Variants in GPC5 observed in about 807,000 individuals in gnomAD.
GPC5 encodes the protein glypican 5.
GPC5 carries 47 observed loss-of-function variants against 53.9 expected under a neutral mutation model. That is an observed-to-expected ratio of 0.87 (90% confidence interval 0.69 to 1.11). The LOEUF (loss-of-function observed/expected upper bound fraction) is 1.11, where lower values mean the gene tolerates loss of function less well. GPC5 is among the 50% of genes most tolerant of loss of function. The pLI, the probability that GPC5 is intolerant of heterozygous loss-of-function variation, is 0.00. For synonymous variants in GPC5, 286 were observed against 263.3 expected (o/e 1.09, Z -0.84); for missense variants, 748 against 713.1 (o/e 1.05, Z -0.56).
At chr13:91,492,033 A>T (rs764131706) in intron 2 of GPC5, among the ~76,000 whole-genome samples, 1 of 152,286 alleles carries the variant, frequency 6.6e-6, no homozygotes, top group South Asian at 2.1e-4. Context: ...CTATTATTAC[A>T]TGGTGTTCAG....
intron 7 of GPC5, among the ~76,000 whole-genome samples, chr13:92,456,338 C>T (rs773357778): frequency 5.9e-5 from 9 of 152,190 alleles, no homozygotes; most frequent in Non-Finnish European, 1.2e-4. Context: ...ACAGGTGGCT[C>T]TAAATCACTA....
At chr13:92,519,579 A>G (rs992596699) in intron 7 of GPC5, among the ~76,000 whole-genome samples, 6 of 152,228 alleles carry the variant, frequency 3.9e-5, no homozygotes, top group African/African-American at 1.4e-4. Context: ...TTTGAAACCA[A>G]TGAGAACAAA....
At chr13:92,249,704 G>A (rs1378800952) in intron 7 of GPC5, among the ~76,000 whole-genome samples, 1 of 152,030 alleles carries the variant, frequency 6.6e-6, no homozygotes, top group Non-Finnish European at 1.5e-5. Context: ...ATGTAGACAT[G>A]AGGGTGAGTA....
intron 7 of GPC5, among the ~76,000 whole-genome samples, chr13:92,708,623 G>C (rs1888027850): frequency 6.6e-6 from 1 of 152,034 alleles, no homozygotes; most frequent in African/African-American, 2.4e-5. Flanking sequence ...AGAAAAGTCA[G>C]AGAGTGAAAG....
intron 2 of GPC5, among the ~76,000 whole-genome samples, chr13:91,497,495 A>G (rs894632564): frequency 3.3e-5 from 5 of 152,212 alleles, no homozygotes; most frequent in African/African-American, 1.2e-4. Flanking sequence ...TCTCTTCTTC[A>G]TGCCTCCCAA....
intron 7 of GPC5, among the ~76,000 whole-genome samples, chr13:92,311,386 C>A (rs1448294041): frequency 6.6e-6 from 1 of 152,052 alleles, no homozygotes. Flanking sequence ...TTAACAACTA[C>A]ATACATTATT....
chr13:91,832,494 G>A (rs1471131555), intron 5 of GPC5, among the ~76,000 whole-genome samples: 28 of 151,738 alleles, frequency 1.8e-4, no homozygotes, highest in Admixed American at 1.8e-3. Context: ...GATTAATATT[G>A]TTATGTGTGA....
chr13:92,126,154 C>T (rs1332787613), intron 6 of GPC5, among the ~76,000 whole-genome samples: 13 of 151,564 alleles, frequency 8.6e-5, no homozygotes, highest in South Asian at 6.2e-4. Flanking sequence ...AGGGTTTTGC[C>T]GTGTTGGTCA....
chr13:92,679,674 A>G (rs1247076403), intron 7 of GPC5, among the ~76,000 whole-genome samples: 2 of 151,110 alleles, frequency 1.3e-5, no homozygotes, highest in Non-Finnish European at 3.0e-5. Context: ...ATGCTAGTGT[A>G]TGTGTTTCCT....
intron 7 of GPC5, among the ~76,000 whole-genome samples, chr13:92,275,668 G>T (rs1339120839): frequency 6.6e-6 from 1 of 152,020 alleles, no homozygotes; most frequent in African/African-American, 2.4e-5. Flanking sequence ...AAACCAAGCT[G>T]CAGGAAATGG....
chr13:91,584,909 C>T (rs2032505115), intron 2 of GPC5, among the ~76,000 whole-genome samples: 1 of 152,048 alleles, frequency 6.6e-6, no homozygotes, highest in South Asian at 2.1e-4. Context: ...GATAAAGATT[C>T]CATTAGAGAA....
rs75672979 is a variant in GPC5, at chr13:92,537,389, C to G, written c.1562-328893C>G. 9.3e-3 allele frequency among the ~76,000 whole-genome samples: 1,415 copies of G among 152,244 alleles called. 23 individuals are homozygous for G. Among genetic ancestry groups the G allele is most frequent in the African/African-American group, 0.032 (1,313 of 41,548 alleles). ...AACTGCACCATATAGCTCAAGTGAT[C>G]AGTAAAAGTAGACAACTGACTTCTT... On this transcript the variant is annotated intron_variant, in intron 7 of 7. Coordinates refer to ENST00000377067, the MANE Select transcript of GPC5 (RefSeq NM_004466.6).
intron 7 of GPC5, among the ~76,000 whole-genome samples, chr13:92,380,032 A>C (rs1340446872): frequency 1.3e-5 from 2 of 152,218 alleles, no homozygotes; most frequent in African/African-American, 4.8e-5. Context: ...TAAAAACCAC[A>C]ATTACTTTTA....
chr13:92,668,674 G>A (rs1886650464), intron 7 of GPC5, among the ~76,000 whole-genome samples: 1 of 151,818 alleles, frequency 6.6e-6, no homozygotes, highest in African/African-American at 2.4e-5. Flanking sequence ...TGACATTAAG[G>A]GAAAAATACT....
At position 91,518,353 on chromosome 13, in the gene GPC5, C is replaced by A. The variant is rs146451968; in HGVS notation, c.325+69431C>A. 3.4e-3 allele frequency among the ~76,000 whole-genome samples: 516 copies of A among 151,922 alleles called. 1 individual carries two copies. Among genetic ancestry groups the A allele is most frequent in the Admixed American group, 0.012 (182 of 15,260 alleles). On this transcript the variant is annotated intron_variant, in intron 2 of 7. Coordinates refer to ENST00000377067, the MANE Select transcript of GPC5 (RefSeq NM_004466.6). ...TCCAGCGTGGGCAACAGAGTAAGAC[C>A]CCCATCTCAAACAACAACAACAATA...
intron 7 of GPC5, among the ~76,000 whole-genome samples, chr13:92,666,319 T>G (rs1438464344): frequency 1.3e-5 from 2 of 152,184 alleles, no homozygotes; most frequent in African/African-American, 4.8e-5. Flanking sequence ...ACATAGCCAC[T>G]GTATATAAAC....
chr13:92,866,180 C>T (rs1879326632), intron 7 of GPC5, 102 bp from the exon 8 acceptor site: 1 of 958,118 alleles, frequency 1.0e-6, no homozygotes. Flanking sequence ...GAGAATGGTC[C>T]CCAAAAACAA....
At chr13:91,757,391 G>A (rs2037318236) in intron 5 of GPC5, among the ~76,000 whole-genome samples, 1 of 152,078 alleles carries the variant, frequency 6.6e-6, no homozygotes, top group Non-Finnish European at 1.5e-5. Flanking sequence ...AGGGTGTTAA[G>A]CTTTCTGACA....
At chr13:92,146,852 T>A (rs1281752751) in intron 7 of GPC5, among the ~76,000 whole-genome samples, 1 of 152,122 alleles carries the variant, frequency 6.6e-6, no homozygotes, top group Non-Finnish European at 1.5e-5. Flanking sequence ...ATTCCCTTTA[T>A]GGCTGAATAG....
Sources: gnomAD v4.1 joint callset for allele counts (sites outside exome capture counted in the v4.1 genomes callset) on GRCh38, gnomAD v4.1.1 for gene constraint, MANE v1.5 for transcripts, NCBI Gene and HGNC (gene_info 2026-07-23, HGNC 2026-07-21) for gene names.